Variants in ADGRL2 observed in about 807,000 individuals in gnomAD.
ADGRL2 encodes calcium-independent alpha-latrotoxin receptor 2.
A neutral mutation model predicts 157.4 loss-of-function variants in ADGRL2; 44 were observed. The ratio of observed to expected loss-of-function variants is 0.28; its 90% CI spans 0.22 to 0.36. ADGRL2 has a LOEUF of 0.36. ADGRL2 is among the 10% of genes least tolerant of loss of function. The pLI is 1.00. For synonymous variants in ADGRL2, 585 were observed against 624.7 expected (o/e 0.94, Z 0.95); for missense variants, 1,510 against 1,768.9 (o/e 0.85, Z 2.63).
intron 2 of ADGRL2, among the ~76,000 whole-genome samples, chr1:81,550,639 C>T (rs2080123310): frequency 6.6e-6 from 1 of 152,138 alleles, no homozygotes; most frequent in African/African-American, 2.4e-5. Flanking sequence ...AGCAGCACGC[C>T]GAGTTGGCAG....
intron 3 of ADGRL2, among the ~76,000 whole-genome samples, chr1:81,585,210 G>A (rs906181499): frequency 5.9e-5 from 9 of 152,012 alleles, no homozygotes; most frequent in East Asian, 1.9e-4. Flanking sequence ...TAAGGAAAGC[G>A]GAGTTTTTAT....
intron 1 of ADGRL2, among the ~76,000 whole-genome samples, chr1:81,362,976 G>A (rs1294920279): frequency 6.6e-6 from 1 of 151,850 alleles, no homozygotes; most frequent in African/African-American, 2.4e-5. Context: ...GATTATGACA[G>A]ATACACATGT....
intron 1 of ADGRL2, among the ~76,000 whole-genome samples, chr1:81,332,566 C>G (rs927339618): frequency 6.6e-6 from 1 of 152,090 alleles, no homozygotes; most frequent in East Asian, 1.9e-4. Context: ...ACAATTTAAT[C>G]CCAGGTAGAT....
At chr1:81,632,644 A>T (rs1182244396) in intron 3 of ADGRL2, among the ~76,000 whole-genome samples, 1 of 152,210 alleles carries the variant, frequency 6.6e-6, no homozygotes, top group Middle Eastern at 3.4e-3. Context: ...CTGTAGTCCC[A>T]ACTACTCGGG....
chr1:81,894,731 T>G (rs2094344585), intron 2 of ADGRL2, among the ~76,000 whole-genome samples: 1 of 152,158 alleles, frequency 6.6e-6, no homozygotes, highest in African/African-American at 2.4e-5. Context: ...ATGTTTTTTT[T>G]TTCTCTAGAA....
chr1:81,719,397 A>G (rs1051840059), intron 1 of ADGRL2, among the ~76,000 whole-genome samples: 1 of 152,088 alleles, frequency 6.6e-6, no homozygotes. Flanking sequence ...TATATTTTTC[A>G]GTTTTTTATC....
intron 2 of ADGRL2, among the ~76,000 whole-genome samples, chr1:81,776,547 C>T (rs569313386): frequency 1.3e-5 from 2 of 152,246 alleles, no homozygotes; most frequent in South Asian, 4.1e-4. Flanking sequence ...ATTGAAGAAA[C>T]AGATAAAGAA....
chr1:81,483,871 C>T (rs2078443665), intron 2 of ADGRL2, among the ~76,000 whole-genome samples: 1 of 152,180 alleles, frequency 6.6e-6, no homozygotes, highest in Non-Finnish European at 1.5e-5. Flanking sequence ...TAAGACTGAA[C>T]ATTCCCTAAA....
At chr1:81,645,000 T>C (rs1047481606) in intron 3 of ADGRL2, among the ~76,000 whole-genome samples, 1 of 152,206 alleles carries the variant, frequency 6.6e-6, no homozygotes, top group African/African-American at 2.4e-5. Flanking sequence ...GGTATTTAGT[T>C]GTGTCTTATT....
intron 1 of ADGRL2, among the ~76,000 whole-genome samples, chr1:81,817,580 GTTGTTTA>G (rs1173031859): frequency 1.3e-5 from 2 of 151,938 alleles, no homozygotes; most frequent in African/African-American, 2.4e-5. Context: ...AATGTATTTG[GTTGTTTA>G]GCTGAAAGGC....
chr1:81,532,429 T>C (rs17106649), intron 2 of ADGRL2, among the ~76,000 whole-genome samples: 3,004 of 152,244 alleles, frequency 0.02, 94 homozygotes, highest in African/African-American at 0.069. Flanking sequence ...ACTTCTATTC[T>C]CTCAGTATCT....
intron 1 of ADGRL2, among the ~76,000 whole-genome samples, chr1:81,832,333 C>G (rs1230883183): frequency 6.6e-6 from 1 of 152,016 alleles, no homozygotes; most frequent in Non-Finnish European, 1.5e-5. Context: ...TTAGTAGAGA[C>G]GGGGTTTCAC....
At chr1:81,892,960 A>G (rs1489994087) in intron 2 of ADGRL2, among the ~76,000 whole-genome samples, 1 of 152,178 alleles carries the variant, frequency 6.6e-6, no homozygotes, top group East Asian at 1.9e-4. Flanking sequence ...TTAAATATAA[A>G]TTAACATCAC....
intron 19 of ADGRL2, among the ~76,000 whole-genome samples, chr1:81,982,324 AC>A (rs1325398093): frequency 2.6e-5 from 4 of 152,038 alleles, no homozygotes; most frequent in Non-Finnish European, 5.9e-5. Context: ...ACAGTGATTC[AC>A]AGTGAAATGG....
chr1:81,989,694 A>G (rs1267707186), intron 23 of ADGRL2: 1 of 1,611,108 alleles, frequency 6.2e-7, no homozygotes, highest in South Asian at 1.1e-5. Flanking sequence ...GACAGACATG[A>G]TGTGAGTTGT....
intron 1 of ADGRL2, among the ~76,000 whole-genome samples, chr1:81,324,753 G>C (rs1660774979): frequency 6.6e-6 from 1 of 151,878 alleles, no homozygotes; most frequent in Non-Finnish European, 1.5e-5. Flanking sequence ...GTGTTTTCCT[G>C]TCACTTAAGT....
chr1:81,617,727 A>T (rs2081692390), intron 3 of ADGRL2, among the ~76,000 whole-genome samples: 1 of 152,176 alleles, frequency 6.6e-6, no homozygotes, highest in African/African-American at 2.4e-5. Flanking sequence ...ATGCTATGTC[A>T]GTGTTTCTTT....
intron 3 of ADGRL2, among the ~76,000 whole-genome samples, chr1:81,924,897 T>C (rs1410492427): frequency 6.6e-6 from 1 of 152,128 alleles, no homozygotes; most frequent in African/African-American, 2.4e-5. Flanking sequence ...CTACTGTATT[T>C]GATGATGATA....
At chr1:81,767,674 T>C (rs2086185723) in intron 2 of ADGRL2, among the ~76,000 whole-genome samples, 1 of 151,602 alleles carries the variant, frequency 6.6e-6, no homozygotes, top group Non-Finnish European at 1.5e-5. Context: ...GAGTTCGAGA[T>C]CAGCCTGGGC....
Sources: gnomAD v4.1 joint callset for allele counts (sites outside exome capture counted in the v4.1 genomes callset) on GRCh38, gnomAD v4.1.1 for gene constraint, MANE v1.5 for transcripts, NCBI Gene and HGNC (gene_info 2026-07-23, HGNC 2026-07-21) for gene names.